The following GNG12 variants were observed in gnomAD, a reference collection of about 807,000 sequenced individuals.
GNG12 encodes the protein G protein subunit gamma 12.
For synonymous variants in GNG12, 28 were observed against 29.7 expected, an observed-to-expected ratio of 0.94 and a Z score of 0.19; for missense variants, 69 against 83.8, an observed-to-expected ratio of 0.82 and a Z score of 0.69.
chr1:67,750,841 A>C (rs918366092), intron 2 of GNG12, among the ~76,000 whole-genome samples: 2 of 152,292 alleles, frequency 1.3e-5, no homozygotes, highest in Non-Finnish European at 2.9e-5. Flanking sequence ...TAGTTCTTTC[A>C]GTTACAGCAA....
At chr1:67,732,445 C>G (rs1646425324) in intron 2 of GNG12, among the ~76,000 whole-genome samples, 1 of 152,164 alleles carries the variant, frequency 6.6e-6, no homozygotes, top group Non-Finnish European at 1.5e-5. Context: ...CTTTCAGGCC[C>G]TTGGGTTTCT....
Position 67,796,283 on chromosome 1 carries a change from C to T in GNG12, c.-76-18776G>A, listed in dbSNP as rs1203849764. Reference sequence around the variant, plus strand: ...AAGCCCGACACACATACTCTTTTCACATTGCACATTCAGATAACCCAGTCT... The same window carrying T: ...AAGCCCGACACACATACTCTTTTCATATTGCACATTCAGATAACCCAGTCT... On this transcript the variant is annotated intron_variant, in intron 1 of 3. Transcript: ENST00000370982. Among the ~76,000 whole-genome samples the T allele has an allele frequency of 2.0e-5, 3 of 152,212 alleles. No homozygotes were observed. The East Asian group carries it at 5.8e-4, about 29-fold the overall frequency.
chr1:67,817,787 CTTTT>C (rs66518207), intron 1 of GNG12, among the ~76,000 whole-genome samples: 13 of 108,258 alleles, frequency 1.2e-4, no homozygotes, highest in South Asian at 6.0e-4. Flanking sequence ...TTCTTTCTTT[CTTTT>C]TTTTTTTTTT....
chr1:67,781,761 G>A (rs564004692), intron 1 of GNG12, among the ~76,000 whole-genome samples: 2 of 152,128 alleles, frequency 1.3e-5, no homozygotes, highest in Admixed American at 1.3e-4. Context: ...ATTAAGACTT[G>A]CTGATGAAGT....
intron 1 of GNG12, among the ~76,000 whole-genome samples, chr1:67,782,244 C>G (rs577548720): frequency 1.3e-4 from 20 of 152,266 alleles, no homozygotes; most frequent in Admixed American, 1.2e-3. Context: ...ACAAATTTGT[C>G]TTTATTAGAT....
At chr1:67,828,323 G>A (rs1311469238) in intron 1 of GNG12, among the ~76,000 whole-genome samples, 2 of 152,154 alleles carry the variant, frequency 1.3e-5, no homozygotes, top group South Asian at 2.1e-4. Context: ...CTCTTGATTA[G>A]TTTTATAGTT....
At chr1:67,781,022 T>C (rs570530940) in intron 1 of GNG12, among the ~76,000 whole-genome samples, 1 of 152,146 alleles carries the variant, frequency 6.6e-6, no homozygotes, top group Admixed American at 6.5e-5. Flanking sequence ...CAGATGGCTA[T>C]GGAATTTGAA....
At chr1:67,785,866 A>G (rs1646764893) in intron 1 of GNG12, among the ~76,000 whole-genome samples, 1 of 152,306 alleles carries the variant, frequency 6.6e-6, no homozygotes, top group East Asian at 1.9e-4. Flanking sequence ...ATATGTAACT[A>G]TATCTGTGAT....
chr1:67,832,944 G>A (rs1647057671), intron 1 of GNG12, among the ~76,000 whole-genome samples: 1 of 152,146 alleles, frequency 6.6e-6, no homozygotes. Flanking sequence ...GGCGCGGGGC[G>A]CACGGCCGCA....
intron 2 of GNG12, among the ~76,000 whole-genome samples, chr1:67,772,397 T>C (rs1646680085): frequency 6.6e-6 from 1 of 152,180 alleles, no homozygotes; most frequent in Non-Finnish European, 1.5e-5. Context: ...AAGTAGGTAG[T>C]CAATGTAACT....
intron 1 of GNG12, among the ~76,000 whole-genome samples, chr1:67,792,240 GT>G (rs1234037910): frequency 6.6e-6 from 1 of 152,106 alleles, no homozygotes; most frequent in Non-Finnish European, 1.5e-5. Context: ...TTTGTTTACC[GT>G]TGCACTCCCA....
intron 3 of GNG12, among the ~76,000 whole-genome samples, chr1:67,707,014 C>T (rs1302051658): frequency 6.6e-6 from 1 of 152,190 alleles, no homozygotes; most frequent in Non-Finnish European, 1.5e-5. Context: ...CACTCACTGC[C>T]TAGTTCTCTC....
At chr1:67,762,483 A>G (rs1646611260) in intron 2 of GNG12, among the ~76,000 whole-genome samples, 1 of 152,184 alleles carries the variant, frequency 6.6e-6, no homozygotes, top group African/African-American at 2.4e-5. Flanking sequence ...AATACAAGAA[A>G]TTATTTTGAG....
intron 2 of GNG12, among the ~76,000 whole-genome samples, chr1:67,733,872 G>A (rs1484844688): frequency 6.6e-6 from 1 of 152,200 alleles, no homozygotes; most frequent in Non-Finnish European, 1.5e-5. Flanking sequence ...AGATGAGCCT[G>A]CAGAATCGTA....
At chr1:67,797,489 A>C (rs887553788) in intron 1 of GNG12, among the ~76,000 whole-genome samples, 1 of 152,148 alleles carries the variant, frequency 6.6e-6, no homozygotes, top group Non-Finnish European at 1.5e-5. Flanking sequence ...CAAAACCATA[A>C]ATTAAATCAC....
At chr1:67,777,592 T>C (rs767768053) in intron 1 of GNG12, 85 bp from the exon 2 acceptor site, 23 of 186,744 alleles carry the variant, frequency 1.2e-4, no homozygotes, top group Admixed American at 4.6e-4. Flanking sequence ...GCCATAACGT[T>C]GAGCATTTAT....
rs756909558 is a variant in GNG12, at chr1:67,707,722, AT to A, written c.-26-11del. 7.2e-5 allele frequency: 103 copies of A among 1,431,394 alleles called. No individual in the cohort carries two copies. Among genetic ancestry groups the A allele is most frequent in the African/African-American group, 3.6e-4 (25 of 69,316 alleles). 88.7% of individuals were successfully genotyped at this position (1,431,394 alleles called of 1,614,324 possible). A position where few individuals can be genotyped will look rare whatever the true frequency, so the allele number is the denominator to read the frequency against. ...TGTTTTTACCTGAAATCTGAGGAGA[AT>A]TTTTTTTAAAGACAAGTAACAGGCA... On this transcript the variant is annotated splice_polypyrimidine_tract_variant and intron_variant, in intron 2 of 3. Coordinates refer to ENST00000370982, the MANE Select transcript of GNG12 (RefSeq NM_018841.6).
intron 1 of GNG12, among the ~76,000 whole-genome samples, chr1:67,792,137 T>C (rs1420097388): frequency 6.6e-6 from 1 of 152,158 alleles, no homozygotes; most frequent in Non-Finnish European, 1.5e-5. Flanking sequence ...TCTTGGTACG[T>C]ACCCCTTCCC....
chr1:67,719,929 A>G (rs1397850874), intron 2 of GNG12, among the ~76,000 whole-genome samples: 1 of 152,238 alleles, frequency 6.6e-6, no homozygotes, highest in African/African-American at 2.4e-5. Context: ...GATTAGATTA[A>G]GACATGCGAT....
Sources: gnomAD v4.1 joint callset for allele counts (sites outside exome capture counted in the v4.1 genomes callset) on GRCh38, gnomAD v4.1.1 for gene constraint, MANE v1.5 for transcripts, NCBI Gene and HGNC (gene_info 2026-07-23, HGNC 2026-07-21) for gene names.